TTC28: variants seen among roughly 807,000 people sequenced by gnomAD.
The protein encoded by TTC28 is tetratricopeptide repeat protein 28.
A neutral mutation model predicts 198.0 loss-of-function variants in TTC28; 61 were observed. The ratio of observed to expected loss-of-function variants is 0.31; its 90% CI spans 0.25 to 0.38. TTC28 has a LOEUF of 0.38. Ranked by LOEUF, TTC28 falls within the 10% of genes least tolerant of loss-of-function variation. TTC28 has a pLI of 1.00. For missense variants in TTC28, 2,678 were observed against 3,164.0 expected (o/e 0.85, Z 3.69); for synonymous variants, 1,171 against 1,297.8 (o/e 0.90, Z 2.10).
intron 2 of TTC28, among the ~76,000 whole-genome samples, chr22:28,492,868 G>A (rs891569136): frequency 2.6e-5 from 4 of 151,978 alleles, no homozygotes; most frequent in South Asian, 4.2e-4. Context: ...GAAAATACAC[G>A]AAATGTTCCC....
chr22:28,413,038 G>A (rs2047107597), intron 2 of TTC28, among the ~76,000 whole-genome samples: 1 of 152,144 alleles, frequency 6.6e-6, no homozygotes, highest in East Asian at 1.9e-4. Context: ...CATCTCACTC[G>A]CTGTGTTATT....
At chr22:28,321,230 T>C (rs943778198) in intron 2 of TTC28, among the ~76,000 whole-genome samples, 1 of 152,212 alleles carries the variant, frequency 6.6e-6, no homozygotes, top group African/African-American at 2.4e-5. Context: ...GTTGCAAGTA[T>C]AGTGGCCTGT....
chr22:28,578,830 C>T (rs1444832608), intron 2 of TTC28, among the ~76,000 whole-genome samples: 1 of 152,016 alleles, frequency 6.6e-6, no homozygotes, highest in Admixed American at 6.6e-5. Context: ...AGAACTCAGC[C>T]AGTGTCCATG....
chr22:28,395,081 A>G (rs2046793130), intron 2 of TTC28, among the ~76,000 whole-genome samples: 1 of 152,204 alleles, frequency 6.6e-6, no homozygotes, highest in Admixed American at 6.5e-5. Context: ...ATGAGTTTCA[A>G]TTTAAAAATC....
intron 2 of TTC28, among the ~76,000 whole-genome samples, chr22:28,418,888 T>C (rs1355880226): frequency 6.6e-6 from 1 of 152,194 alleles, no homozygotes; most frequent in East Asian, 1.9e-4. Flanking sequence ...GGTATTTTTG[T>C]GTAAACAATG....
At chr22:28,189,408 G>T (rs1463236429) in intron 5 of TTC28, among the ~76,000 whole-genome samples, 1 of 151,978 alleles carries the variant, frequency 6.6e-6, no homozygotes, top group Non-Finnish European at 1.5e-5. Context: ...AAGGAAGGGG[G>T]AAGAAAGATA....
At chr22:28,379,640 G>A (rs954087436) in intron 2 of TTC28, among the ~76,000 whole-genome samples, 3 of 152,112 alleles carry the variant, frequency 2.0e-5, no homozygotes, top group Admixed American at 6.5e-5. Flanking sequence ...GAAATGGAGA[G>A]TTGTTTAATG....
In TTC28 at chr22:27,982,626, C is replaced by T. The variant is rs376363546; in HGVS notation, c.7041G>A (p.Met2347Ile). Residue 2347 changes from methionine (M) to isoleucine (I), a missense_variant, in exon 23 of 23, where the codon ATG becomes ATA. Coordinates refer to ENST00000397906, the MANE Select transcript of TTC28 (RefSeq NM_001145418.2). The surrounding 1 kb of genome is among the most constrained non-coding windows in gnomAD (Gnocchi z 5.2). ...CCTGCACCTTTTCATCAATGGCTGC[C>T]ATTTTCAGTTTGTCTATGTCGGGAG... Reference protein sequence around the residue: ...ADAPDIDKLKMAAIDEKVQAV... With the variant: ...ADAPDIDKLKIAAIDEKVQAV... The T allele has an allele frequency of 6.4e-7, 1 of 1,551,708 alleles. No individual in the cohort carries two copies. Among genetic ancestry groups the T allele is most frequent in the Non-Finnish European group, 8.7e-7 (1 of 1,147,020 alleles).
At chr22:28,047,462 A>C (rs1298406514) in intron 12 of TTC28, among the ~76,000 whole-genome samples, 2 of 152,176 alleles carry the variant, frequency 1.3e-5, no homozygotes, top group Non-Finnish European at 2.9e-5. Flanking sequence ...GCACAGCCAG[A>C]CGCCAAGGGC....
chr22:28,148,214 C>T (rs1462128935), intron 6 of TTC28, among the ~76,000 whole-genome samples: 1 of 152,196 alleles, frequency 6.6e-6, no homozygotes, highest in East Asian at 1.9e-4. Context: ...TTCCTACTAA[C>T]TGTAAGGAGT....
chr22:28,274,235 T>C (rs899433319), intron 5 of TTC28, among the ~76,000 whole-genome samples: 1 of 152,228 alleles, frequency 6.6e-6, no homozygotes, highest in African/African-American at 2.4e-5. Flanking sequence ...AGGATATATT[T>C]ACTTTGTGAA....
chr22:28,386,450 C>G (rs1282212716), intron 2 of TTC28, among the ~76,000 whole-genome samples: 3 of 152,054 alleles, frequency 2.0e-5, no homozygotes, highest in Non-Finnish European at 4.4e-5. Context: ...GCTGTGCAAT[C>G]CTTGGCATTC....
At chr22:28,076,188 A>C (rs1941159732) in intron 12 of TTC28, among the ~76,000 whole-genome samples, 1 of 152,258 alleles carries the variant, frequency 6.6e-6, no homozygotes. Flanking sequence ...ATTTGGATTA[A>C]GTGGTAGGTC....
At chr22:27,993,022 G>C (rs961711947) in intron 18 of TTC28, 1 of 567,802 alleles carries the variant, frequency 1.8e-6, no homozygotes, top group Non-Finnish European at 3.1e-6. Context: ...AGTGTCTGCC[G>C]GCACGACCTC....
chr22:28,170,227 C>T (rs997989361), intron 5 of TTC28, among the ~76,000 whole-genome samples: 9 of 152,098 alleles, frequency 5.9e-5, no homozygotes, highest in African/African-American at 2.2e-4. Context: ...GTGGCTCACA[C>T]CTGTAATCCC....
chr22:28,125,048 T>C (rs976009841), intron 6 of TTC28, among the ~76,000 whole-genome samples: 3 of 152,242 alleles, frequency 2.0e-5, no homozygotes, highest in Admixed American at 6.5e-5. Flanking sequence ...GCGATAATGA[T>C]GACTGAGTGT....
At chr22:28,016,028 G>C (rs1938358203) in intron 13 of TTC28, among the ~76,000 whole-genome samples, 1 of 152,104 alleles carries the variant, frequency 6.6e-6, no homozygotes, top group South Asian at 2.1e-4. Flanking sequence ...TCCTCCCAGT[G>C]ATCTTGGCAA....
At chr22:28,618,200 A>G (rs1325053035) in intron 2 of TTC28, among the ~76,000 whole-genome samples, 1 of 151,938 alleles carries the variant, frequency 6.6e-6, no homozygotes, top group Non-Finnish European at 1.5e-5. Context: ...GCTTGAACCC[A>G]GAAGACAGAG....
chr22:28,016,084 C>A (rs1219213839), intron 13 of TTC28, among the ~76,000 whole-genome samples: 1 of 152,172 alleles, frequency 6.6e-6, no homozygotes, highest in Non-Finnish European at 1.5e-5. Flanking sequence ...GCCAAGCTCT[C>A]AGCACCCTCA....
Sources: gnomAD v4.1 joint callset for allele counts (sites outside exome capture counted in the v4.1 genomes callset) on GRCh38, gnomAD v4.1.1 for gene constraint, Gnocchi (gnomAD v3.1) non-coding constraint, MANE v1.5 for transcripts, NCBI Gene and HGNC (gene_info 2026-07-23, HGNC 2026-07-21) for gene names.